Variants in CHRM3 observed in about 807,000 individuals in gnomAD.
The protein encoded by CHRM3 is cholinergic receptor muscarinic 3, also known as muscarinic acetylcholine receptor M3.
In CHRM3, 11 loss-of-function variants were observed where a neutral mutation model predicts 41.8. The observed-to-expected ratio is 0.26, with a 90% CI of 0.17 to 0.44. The LOEUF is 0.44. CHRM3 is among the 20% of genes least tolerant of loss of function. CHRM3 has a pLI of 1.00. For missense variants in CHRM3, 571 were observed against 745.4 expected (o/e 0.77, Z 2.72); for synonymous variants, 297 against 301.4 (o/e 0.99, Z 0.15).
chr1:239,653,731 A>G (rs1188181246), intron 4 of CHRM3, among the ~76,000 whole-genome samples: 1 of 152,198 alleles, frequency 6.6e-6, no homozygotes, highest in Non-Finnish European at 1.5e-5. Flanking sequence ...GAGAATTTCT[A>G]TGGAGGATCA....
chr1:239,527,506 C>G (rs1476426278), intron 2 of CHRM3, among the ~76,000 whole-genome samples: 1 of 152,196 alleles, frequency 6.6e-6, no homozygotes, highest in Non-Finnish European at 1.5e-5. Context: ...TCTGTGACAA[C>G]TGCATGACTT....
In CHRM3 at chr1:239,907,269, T is replaced by G. The variant is rs2103045137; in HGVS notation, c.-19-164T>G. Among the ~76,000 whole-genome samples, 1 of 152,348 alleles carries G rather than the reference T, an allele frequency of 6.6e-6. No individual in the cohort carries two copies. Among genetic ancestry groups the G allele is most frequent in the East Asian group, 1.9e-4 (1 of 5,188 alleles). ...CAAACAAATCGATGTCTGTCTGCCC[T>G]AGACTCCACTTATTTAAAATAAGAG... On this transcript the variant is annotated intron_variant, in intron 6 of 6. Transcript: ENST00000676153. The surrounding 1 kb of genome is among the most constrained non-coding windows in gnomAD (Gnocchi z 5.4).
In CHRM3 at chr1:239,419,967, G is replaced by A. The variant is rs147814514; in HGVS notation, c.-521+32740G>A. On this transcript the variant is annotated intron_variant, in intron 1 of 6. Transcript: ENST00000676153. Reference sequence around the variant, plus strand: ...CCCCTGTCTGAAAATTCGGCAGTCCGCTGACTGTCTGGTCTTCCTATCATA... The same window carrying A: ...CCCCTGTCTGAAAATTCGGCAGTCCACTGACTGTCTGGTCTTCCTATCATA... 6.5e-3 allele frequency among the ~76,000 whole-genome samples: 987 copies of A among 152,264 alleles called. 8 individuals are homozygous for A. The highest frequency in any genetic ancestry group is 0.03 in the South Asian group (144 of 4,830).
At chr1:239,584,380 A>C (rs997609427) in intron 3 of CHRM3, among the ~76,000 whole-genome samples, 2 of 152,138 alleles carry the variant, frequency 1.3e-5, no homozygotes, top group African/African-American at 4.8e-5. Context: ...CTGGGATTAC[A>C]GGTGTGAGTC....
rs1424184253 is a variant in CHRM3, at chr1:239,907,676, G to C, written c.225G>C (p.Thr75=). 7 of 1,613,976 alleles carry C rather than the reference G, an allele frequency of 4.3e-6. No individual in the cohort carries two copies. Among genetic ancestry groups the C allele is most frequent in the Non-Finnish European group, 5.1e-6 (6 of 1,180,030 alleles). ...VWQVVFIAFL[T]GILALVTIIG... is the part of the protein sequence containing the mutation. ...AAGTGGTCTTCATCGCTTTCTTAACGGGCATCCTGGCCTTGGTGACCATCA... is the reference window on the plus strand; with the variant it reads ...AAGTGGTCTTCATCGCTTTCTTAACCGGCATCCTGGCCTTGGTGACCATCA... The change falls in exon 7 of 7, where the codon ACG becomes ACC. Residue 75 remains threonine, a synonymous_variant. Coordinates refer to ENST00000676153, the MANE Select transcript of CHRM3 (RefSeq NM_001375978.1). The surrounding 1 kb of genome is among the most constrained non-coding windows in gnomAD (Gnocchi z 5.4).
At chr1:239,764,945 T>C (rs1667086911) in intron 5 of CHRM3, among the ~76,000 whole-genome samples, 1 of 152,230 alleles carries the variant, frequency 6.6e-6, no homozygotes, top group South Asian at 2.1e-4. Context: ...TCCACTGAGG[T>C]GAAATACCAT....
chr1:239,429,528 A>G (rs1195870245), intron 1 of CHRM3, among the ~76,000 whole-genome samples: 2 of 152,314 alleles, frequency 1.3e-5, no homozygotes, highest in Admixed American at 6.5e-5. Flanking sequence ...AACATATGCT[A>G]TAAAACCGGG....
intron 5 of CHRM3, among the ~76,000 whole-genome samples, chr1:239,818,962 G>T (rs565415451): frequency 6.6e-6 from 1 of 152,308 alleles, no homozygotes; most frequent in Non-Finnish European, 1.5e-5. Context: ...TCCAAGTTCA[G>T]TTTGATTATG....
intron 6 of CHRM3, among the ~76,000 whole-genome samples, chr1:239,888,041 G>C (rs951997418): frequency 4.6e-5 from 7 of 152,086 alleles, no homozygotes; most frequent in Non-Finnish European, 1.0e-4. Flanking sequence ...GGTCTTGATG[G>C]TTATTGTGGT....
At position 239,530,138 on chromosome 1, in the gene CHRM3, T is replaced by C. The variant is rs975537584; in HGVS notation, c.-421-15503T>C. Among the ~76,000 whole-genome samples, 11 of 152,132 alleles carry C rather than the reference T, an allele frequency of 7.2e-5. No individual in the cohort carries two copies. The East Asian group carries it at 1.7e-3, about 24-fold the overall frequency. On this transcript the variant is annotated intron_variant, in intron 2 of 6. Coordinates refer to ENST00000676153, the MANE Select transcript of CHRM3 (RefSeq NM_001375978.1). ...CAGGATGGTCTTGATCTCCTGACCT[T>C]GTGATCTGCCCGCCTCGGCCTCCCA...
chr1:239,737,232 C>G (rs1215431104), intron 5 of CHRM3, among the ~76,000 whole-genome samples: 7 of 152,012 alleles, frequency 4.6e-5, no homozygotes, highest in Non-Finnish European at 7.4e-5. Flanking sequence ...ATAAAATGAC[C>G]AAATAACTTT....
intron 6 of CHRM3, among the ~76,000 whole-genome samples, chr1:239,840,790 A>G (rs923529454): frequency 1.3e-5 from 2 of 152,218 alleles, no homozygotes; most frequent in South Asian, 2.1e-4. Flanking sequence ...AAGGGTTACC[A>G]TGGTGTTTTC....
chr1:239,453,468 A>T (rs377739603), intron 1 of CHRM3, among the ~76,000 whole-genome samples: 2 of 152,224 alleles, frequency 1.3e-5, no homozygotes, highest in Non-Finnish European at 2.9e-5. Flanking sequence ...CTATGAAAAC[A>T]TCTATGCTGT....
chr1:239,673,883 G>T (rs1438174997), intron 4 of CHRM3, among the ~76,000 whole-genome samples: 1 of 151,992 alleles, frequency 6.6e-6, no homozygotes, highest in Non-Finnish European at 1.5e-5. Flanking sequence ...TATAAATACA[G>T]ATCAGCAACC....
intron 4 of CHRM3, among the ~76,000 whole-genome samples, chr1:239,636,510 T>A (rs1670483132): frequency 6.6e-6 from 1 of 152,228 alleles, no homozygotes; most frequent in South Asian, 2.1e-4. Context: ...GTCAATTAAA[T>A]GATATAGCCT....
intron 4 of CHRM3, among the ~76,000 whole-genome samples, chr1:239,643,534 T>C (rs989977205): frequency 1.5e-4 from 23 of 152,158 alleles, no homozygotes; most frequent in Admixed American, 7.2e-4. Flanking sequence ...GCTGTGCTAG[T>C]AATCAGCGAG....
intron 3 of CHRM3, among the ~76,000 whole-genome samples, chr1:239,617,238 A>C (rs561854735): frequency 2.4e-4 from 36 of 152,298 alleles, no homozygotes; most frequent in South Asian, 8.3e-4. Context: ...GAACTTTCCA[A>C]ATTTATTTGA....
At chr1:239,700,174 G>T (rs12130233) in intron 5 of CHRM3, among the ~76,000 whole-genome samples, 62 of 151,956 alleles carry the variant, frequency 4.1e-4, no homozygotes, top group Non-Finnish European at 7.5e-4. Context: ...CCTTTCTATC[G>T]AGGTACCAGT....
chr1:239,856,257 C>T (rs1417705298), intron 6 of CHRM3, among the ~76,000 whole-genome samples: 1 of 152,112 alleles, frequency 6.6e-6, no homozygotes, highest in Non-Finnish European at 1.5e-5. Context: ...CTTTGTGTCC[C>T]CACCCAAATC....
Sources: gnomAD v4.1 joint callset for allele counts (sites outside exome capture counted in the v4.1 genomes callset) on GRCh38, gnomAD v4.1.1 for gene constraint, Gnocchi (gnomAD v3.1) non-coding constraint, MANE v1.5 for transcripts, NCBI Gene and HGNC (gene_info 2026-07-23, HGNC 2026-07-21) for gene names.